The following IGFBP7 variants were observed in gnomAD, a reference collection of about 807,000 sequenced individuals.
IGFBP7 encodes insulin like growth factor binding protein 7, also known as insulin-like growth factor-binding protein 7.
IGFBP7 carries 31 observed loss-of-function variants against 29.4 expected under a neutral mutation model. That is an observed-to-expected ratio of 1.05 (90% confidence interval 0.79 to 1.42). The LOEUF is 1.42. IGFBP7 is among the 40% of genes most tolerant of loss of function. The pLI is 0.00. For synonymous variants in IGFBP7, 172 were observed against 174.9 expected (o/e 0.98, Z 0.13); for missense variants, 393 against 395.5 (o/e 0.99, Z 0.05).
intron 2 of IGFBP7, among the ~76,000 whole-genome samples, chr4:57,038,788 CA>C (rs1409384350): frequency 6.6e-6 from 1 of 151,802 alleles, no homozygotes; most frequent in African/African-American, 2.4e-5. Context: ...CAAAAACGAC[CA>C]GGCGCGGTGG....
At chr4:57,035,561 A>G (rs1724063751) in intron 2 of IGFBP7, among the ~76,000 whole-genome samples, 1 of 152,072 alleles carries the variant, frequency 6.6e-6, no homozygotes, top group African/African-American at 2.4e-5. Flanking sequence ...CCGGGATTCC[A>G]GTGATTCTCC....
chr4:57,107,770 G>A (rs989656030), intron 1 of IGFBP7, among the ~76,000 whole-genome samples: 1 of 152,180 alleles, frequency 6.6e-6, no homozygotes, highest in African/African-American at 2.4e-5. Flanking sequence ...ACCCTCAAAG[G>A]GTTTGCAGTC....
chr4:57,062,239 C>T (rs564097260), intron 1 of IGFBP7, among the ~76,000 whole-genome samples: 8 of 151,828 alleles, frequency 5.3e-5, no homozygotes, highest in Middle Eastern at 3.4e-3. Context: ...GAGGTGTTTG[C>T]GGAGAAGAAA....
At position 57,107,195 on chromosome 4, in the gene IGFBP7, G is replaced by A. The variant is rs116131503; in HGVS notation, c.475+2682C>T. Reference sequence around the variant, plus strand: ...ATCAAATCTGTTTTGTACATCCCTGGTATATAGCACCTAGTACAGTGCTGA... The same window carrying A: ...ATCAAATCTGTTTTGTACATCCCTGATATATAGCACCTAGTACAGTGCTGA... On this transcript the variant is annotated intron_variant, in intron 1 of 4. Transcript: ENST00000295666. 2.7e-3 allele frequency among the ~76,000 whole-genome samples: 418 copies of A among 152,208 alleles called. 1 individual carries two copies. The highest frequency in any genetic ancestry group is 9.7e-3 in the African/African-American group (404 of 41,522).
At chr4:57,054,906 G>A (rs1724612238) in intron 1 of IGFBP7, among the ~76,000 whole-genome samples, 1 of 152,176 alleles carries the variant, frequency 6.6e-6, no homozygotes, top group Non-Finnish European at 1.5e-5. Context: ...GAAGACTAAA[G>A]TTCTTCAGCT....
chr4:57,109,239 G>A (rs376291965), intron 1 of IGFBP7, among the ~76,000 whole-genome samples: 12 of 152,038 alleles, frequency 7.9e-5, no homozygotes, highest in East Asian at 3.9e-4. Context: ...AGGCAACATA[G>A]TGAAACTCCG....
At chr4:57,037,243 G>T (rs1724103166) in intron 2 of IGFBP7, among the ~76,000 whole-genome samples, 1 of 152,204 alleles carries the variant, frequency 6.6e-6, no homozygotes, top group Non-Finnish European at 1.5e-5. Flanking sequence ...CATTATGAAG[G>T]TAGAGGAAAA....
chr4:57,032,571 C>A lies in IGFBP7; in HGVS notation c.703-19G>T, dbSNP rs751459864. On this transcript the variant is annotated intron_variant, in intron 3 of 4. Coordinates refer to ENST00000295666, the MANE Select transcript of IGFBP7 (RefSeq NM_001553.3). ...GAGATACCTGTGAAAGAAAAAAGAT[C>A]TAGTATTCCTCTGTGGTGGTCTTCT... 6.3e-7 allele frequency: 1 copy of A among 1,579,818 alleles called. No individual in the cohort carries two copies. Among genetic ancestry groups the A allele is most frequent in the Non-Finnish European group, 8.7e-7 (1 of 1,148,696 alleles).
rs953293728 is a variant in IGFBP7 at position 57,082,488 on chromosome 4, T to C, written c.475+27389A>G. ...CCCAGAATCATTCTAGATCTATGAG[T>C]GTATAGTTTTAAATTTGAATCAAGT... On this transcript the variant is annotated intron_variant, in intron 1 of 4. Transcript: ENST00000295666. Among the ~76,000 whole-genome samples the C allele has an allele frequency of 2.7e-4, 41 of 152,280 alleles. No homozygotes were observed. The Middle Eastern group carries it at 0.01, about 38-fold the overall frequency.
chr4:57,065,759 T>G (rs528447781), intron 1 of IGFBP7, among the ~76,000 whole-genome samples: 1 of 152,344 alleles, frequency 6.6e-6, no homozygotes, highest in Non-Finnish European at 1.5e-5. Context: ...GCCTGGGGCA[T>G]CCACCCTTGC....
chr4:57,089,727 TC>T (rs1484167728), intron 1 of IGFBP7, among the ~76,000 whole-genome samples: 7 of 152,172 alleles, frequency 4.6e-5, no homozygotes, highest in Admixed American at 4.6e-4. Context: ...CCCTTCTCTG[TC>T]TCTTTTGACA....
chr4:57,088,947 G>A (rs535064497), intron 1 of IGFBP7, among the ~76,000 whole-genome samples: 4 of 148,248 alleles, frequency 2.7e-5, no homozygotes, highest in South Asian at 4.3e-4. Flanking sequence ...CAGGAGAATC[G>A]CTCAAACCTG....
At chr4:57,049,650 G>C (rs1364340659) in intron 1 of IGFBP7, among the ~76,000 whole-genome samples, 2 of 152,110 alleles carry the variant, frequency 1.3e-5, no homozygotes, top group Non-Finnish European at 2.9e-5. Context: ...AATCCTGTTG[G>C]TTTCGGTAAG....
At chr4:57,073,988 G>A (rs1156729973) in intron 1 of IGFBP7, among the ~76,000 whole-genome samples, 1 of 152,188 alleles carries the variant, frequency 6.6e-6, no homozygotes, top group Non-Finnish European at 1.5e-5. Context: ...CCTGGCACCA[G>A]CAAGCGAGCT....
At position 57,041,866 on chromosome 4, in the gene IGFBP7, C is replaced by T. The variant is rs111861754; in HGVS notation, c.476-933G>A. ...GAGGCACCTTTGAACAGAAGAGGCC[C>T]GGGTGTCGAGGAAGGTGGTACAGGG... On this transcript the variant is annotated intron_variant, in intron 1 of 4. Transcript: ENST00000295666. Among the ~76,000 whole-genome samples, 6 of 152,106 alleles carry T rather than the reference C, an allele frequency of 3.9e-5. No individual in the cohort carries two copies. In the East Asian group the frequency reaches 7.7e-4, roughly 20 times the overall value.
At position 57,032,568 on chromosome 4, in the gene IGFBP7, G is replaced by T; in HGVS notation, c.703-16C>A. The T allele has an allele frequency of 1.3e-6, 2 of 1,585,992 alleles. No homozygotes were observed. The highest frequency in any genetic ancestry group is 2.2e-5 in the South Asian group (2 of 90,564). On this transcript the variant is annotated splice_polypyrimidine_tract_variant and intron_variant, in intron 3 of 4. Coordinates refer to ENST00000295666, the MANE Select transcript of IGFBP7 (RefSeq NM_001553.3). ...GAGGAGATACCTGTGAAAGAAAAAA[G>T]ATCTAGTATTCCTCTGTGGTGGTCT...
At chr4:57,095,895 C>T (rs916851569) in intron 1 of IGFBP7, among the ~76,000 whole-genome samples, 1 of 152,128 alleles carries the variant, frequency 6.6e-6, no homozygotes, top group African/African-American at 2.4e-5. Context: ...GAAGGTTCCC[C>T]TTTCCAACAG....
At chr4:57,066,183 T>A (rs1286611035) in intron 1 of IGFBP7, among the ~76,000 whole-genome samples, 1 of 152,180 alleles carries the variant, frequency 6.6e-6, no homozygotes, top group East Asian at 1.9e-4. Flanking sequence ...GTGACGCACT[T>A]GAATAAAATA....
At chr4:57,041,232 T>G (rs1724219162) in intron 1 of IGFBP7, among the ~76,000 whole-genome samples, 1 of 152,236 alleles carries the variant, frequency 6.6e-6, no homozygotes, top group Non-Finnish European at 1.5e-5. Context: ...TTTTTTATTA[T>G]CTGGGACTTT....
Sources: allele counts gnomAD v4.1 joint callset (sites outside exome capture counted in the v4.1 genomes callset), GRCh38; gene constraint gnomAD v4.1.1; transcripts MANE v1.5; gene names NCBI Gene and HGNC (gene_info 2026-07-23, HGNC 2026-07-21).